The following COPS4 variants were observed in gnomAD, a reference collection of about 807,000 sequenced individuals.
The protein encoded by COPS4 is COP9 signalosome subunit 4, also known as COP9 signalosome complex subunit 4.
Under a neutral mutation model 55.1 loss-of-function variants are expected in COPS4, and 8 were observed. The ratio of observed to expected loss-of-function variants is 0.15; its 90% CI spans 0.09 to 0.26. COPS4 has a LOEUF of 0.26. Among genes scored for constraint, COPS4 ranks in the 10% least tolerant of loss-of-function variants. COPS4 has a pLI of 1.00. For synonymous variants in COPS4, 185 were observed against 165.7 expected (o/e 1.12, Z -0.90); for missense variants, 248 against 484.0 (o/e 0.51, Z 4.58).
chr4:83,058,085 T>TA (rs397994281), intron 6 of COPS4, among the ~76,000 whole-genome samples: 1 of 151,612 alleles, frequency 6.6e-6, no homozygotes, highest in Non-Finnish European at 1.5e-5. Flanking sequence ...TTTTTTTTTT[T>TA]AACCTTCAAG....
Position 83,041,018 on chromosome 4 carries a change from C to T in COPS4, c.75-4608C>T, listed in dbSNP as rs572081050. ...AATGGATAGGAGAGATGTATGATGC[C>T]TTAGTAATAAAACTTATTTTCCTCC... On this transcript the variant is annotated intron_variant, in intron 1 of 9. Transcript: ENST00000264389. Among the ~76,000 whole-genome samples, 13 of 149,482 alleles carry T rather than the reference C, an allele frequency of 8.7e-5. No homozygotes were observed. The South Asian group carries it at 2.8e-3, about 32-fold the overall frequency.
At position 83,075,294 on chromosome 4, in the gene COPS4, T is replaced by TTTTTTTTTC; in HGVS notation, c.1088-3_1088-2insTTTTTTTTC. The TTTTTTTTTC allele has an allele frequency of 6.2e-7, 1 of 1,613,350 alleles. No homozygotes were observed. Among genetic ancestry groups the TTTTTTTTTC allele is most frequent in the Admixed American group, 1.7e-5 (1 of 59,856 alleles). On this transcript the variant is annotated splice_polypyrimidine_tract_variant and splice_region_variant and intron_variant, in intron 9 of 9. Coordinates refer to ENST00000264389, the MANE Select transcript of COPS4 (RefSeq NM_016129.3). ...TAATTTTGTACATTTTTTTTCCCCT[T>TTTTTTTTTC]AGCACGAGAAGCCCTGCCAACGTGG...
intron 9 of COPS4, among the ~76,000 whole-genome samples, chr4:83,073,005 C>G (rs1731475312): frequency 6.6e-6 from 1 of 152,082 alleles, no homozygotes; most frequent in African/African-American, 2.4e-5. Flanking sequence ...AACGAGACCC[C>G]ATTTCTACAG....
chr4:83,054,372 A>C (rs1467480594), intron 4 of COPS4, among the ~76,000 whole-genome samples: 3 of 150,210 alleles, frequency 2.0e-5, no homozygotes, highest in African/African-American at 7.5e-5. Flanking sequence ...CAAAACAAAA[A>C]ATAACTTCAT....
intron 1 of COPS4, among the ~76,000 whole-genome samples, chr4:83,036,617 C>T (rs934032464): frequency 6.6e-6 from 1 of 152,180 alleles, no homozygotes; most frequent in African/African-American, 2.4e-5. Context: ...ACTTACCACA[C>T]TTATATCACG....
intron 4 of COPS4, among the ~76,000 whole-genome samples, chr4:83,055,926 C>CTTTTTTTT (rs933843596): frequency 9.2e-6 from 1 of 108,924 alleles, no homozygotes. Context: ...TCTTTTTTTT[C>CTTTTTTTT]TTTTTCTTTT....
At chr4:83,065,317 A>G (rs374454890) in intron 7 of COPS4, among the ~76,000 whole-genome samples, 2 of 152,208 alleles carry the variant, frequency 1.3e-5, no homozygotes, top group East Asian at 3.8e-4. Context: ...TTTTGATGGT[A>G]TTGAGACAAT....
chr4:83,041,278 G>A (rs182546176), intron 1 of COPS4, among the ~76,000 whole-genome samples: 1 of 151,894 alleles, frequency 6.6e-6, no homozygotes, highest in Admixed American at 6.6e-5. Context: ...GGGCAGGCTG[G>A]TCTTGAACTC....
chr4:83,068,644 C>A, intron 9 of COPS4, 122 bp downstream of exon 9: 1 of 631,286 alleles, frequency 1.6e-6, no homozygotes, highest in Admixed American at 3.1e-5. Context: ...GCTTATTTCC[C>A]AAAGAAATAA....
At chr4:83,062,232 G>A (rs1055725707) in intron 6 of COPS4, among the ~76,000 whole-genome samples, 10 of 151,848 alleles carry the variant, frequency 6.6e-5, no homozygotes, top group South Asian at 4.2e-4. Flanking sequence ...TTTTATTAAC[G>A]AAATAATTAA....
Position 83,054,397 on chromosome 4 carries a change from G to A in COPS4, c.411-2529G>A, listed in dbSNP as rs115746396. Among the ~76,000 whole-genome samples the A allele has an allele frequency of 8.3e-3, 1,267 of 152,230 alleles. 16 individuals are homozygous for A. The highest frequency in any genetic ancestry group is 0.028 in the African/African-American group (1,176 of 41,548). On this transcript the variant is annotated intron_variant, in intron 4 of 9. Transcript: ENST00000264389. ...AATAACTTCATCTGCTTTTCTACTCGTTTGCCAGGTGAACGGGGGATTCTT... is the reference window on the plus strand; with the variant it reads ...AATAACTTCATCTGCTTTTCTACTCATTTGCCAGGTGAACGGGGGATTCTT...
chr4:83,069,169 A>G (rs1731359343), intron 9 of COPS4, among the ~76,000 whole-genome samples: 1 of 152,222 alleles, frequency 6.6e-6, no homozygotes, highest in African/African-American at 2.4e-5. Context: ...ATGGAGGCAG[A>G]CAGGTAAGTG....
intron 8 of COPS4, among the ~76,000 whole-genome samples, chr4:83,067,359 A>G (rs980271700): frequency 6.6e-6 from 1 of 151,874 alleles, no homozygotes; most frequent in African/African-American, 2.4e-5. Context: ...CTCCTACCTC[A>G]GCCTACTGAG....
At chr4:83,065,213 A>G (rs1458696052) in intron 7 of COPS4, 1 of 448,096 alleles carries the variant, frequency 2.2e-6, no homozygotes, top group African/African-American at 2.2e-5. Flanking sequence ...TATTTATAAA[A>G]TTACTGGATT....
chr4:83,043,151 G>A (rs1304243287), intron 1 of COPS4, among the ~76,000 whole-genome samples: 2 of 152,008 alleles, frequency 1.3e-5, no homozygotes, highest in African/African-American at 4.8e-5. Flanking sequence ...TCACTTTTTA[G>A]GTTGGTTTAT....
chr4:83,057,916 T>C (rs1391876097), intron 6 of COPS4, among the ~76,000 whole-genome samples: 1 of 126,006 alleles, frequency 7.9e-6, no homozygotes, highest in African/African-American at 3.1e-5. Flanking sequence ...AGAGACTCTG[T>C]CTCAAAAAAA....
intron 4 of COPS4, among the ~76,000 whole-genome samples, chr4:83,053,042 T>G (rs1172197727): frequency 6.6e-6 from 1 of 152,172 alleles, no homozygotes; most frequent in Non-Finnish European, 1.5e-5. Flanking sequence ...CTTGGCAGCA[T>G]TAAGGACTTG....
chr4:83,071,461 C>G (rs140074999), intron 9 of COPS4, among the ~76,000 whole-genome samples: 299 of 152,228 alleles, frequency 2.0e-3, no homozygotes, highest in South Asian at 2.9e-3. Context: ...CTGTGTTGCC[C>G]AGGCTGAGGT....
At chr4:83,040,258 C>T (rs1296382570) in intron 1 of COPS4, among the ~76,000 whole-genome samples, 2 of 152,146 alleles carry the variant, frequency 1.3e-5, no homozygotes, top group Non-Finnish European at 2.9e-5. Flanking sequence ...GTCTTTATCC[C>T]CATGAACATT....
Sources: gnomAD v4.1 joint callset for allele counts (sites outside exome capture counted in the v4.1 genomes callset) on GRCh38, gnomAD v4.1.1 for gene constraint, MANE v1.5 for transcripts, NCBI Gene and HGNC (gene_info 2026-07-23, HGNC 2026-07-21) for gene names.